The following AMPD1 variants were observed in gnomAD, a reference collection of about 807,000 sequenced individuals.
The protein encoded by AMPD1 is adenosine monophosphate deaminase 1, also known as AMP deaminase 1.
In AMPD1, 74 loss-of-function variants were observed where a neutral mutation model predicts 82.9. The ratio of observed to expected loss-of-function variants is 0.89; its 90% CI spans 0.74 to 1.08. AMPD1 has a LOEUF of 1.08. Among genes scored for constraint, AMPD1 ranks in the 50% least tolerant of loss-of-function variants. The pLI is 0.00. For missense variants in AMPD1, 881 were observed against 924.5 expected (o/e 0.95, Z 0.61); for synonymous variants, 333 against 320.5 (o/e 1.04, Z -0.42).
At chr1:114,680,532 T>TA in intron 5 of AMPD1, 54 bp from the exon 6 acceptor site, 1 of 1,481,952 alleles carries the variant, frequency 6.7e-7, no homozygotes, top group Non-Finnish European at 9.4e-7. Flanking sequence ...AACGACCACA[T>TA]AAAAATAACC....
At chr1:114,679,347 A>G (rs1306044743) in intron 7 of AMPD1, among the ~76,000 whole-genome samples, 1 of 152,220 alleles carries the variant, frequency 6.6e-6, no homozygotes, top group Non-Finnish European at 1.5e-5. Flanking sequence ...GTTGTTGAGG[A>G]TAACTATAAT....
At chr1:114,682,632 G>T (rs1249807286) in intron 5 of AMPD1, among the ~76,000 whole-genome samples, 1 of 150,488 alleles carries the variant, frequency 6.6e-6, no homozygotes, top group Middle Eastern at 3.4e-3. Flanking sequence ...AGGCTGGAGT[G>T]CAGTGGCGCG....
At chr1:114,688,441 ACTCTGGCAGAGTTCTTC>A in intron 3 of AMPD1, 103 bp downstream of exon 3, 1 of 1,213,228 alleles carries the variant, frequency 8.2e-7, no homozygotes, top group Middle Eastern at 2.7e-4. Context: ...GGAATTGCTA[ACTCTGGCAGAGTTCTTC>A]CTCTGAGTTG....
At chr1:114,693,095 A>C (rs1884296) in intron 2 of AMPD1, among the ~76,000 whole-genome samples, 68,227 of 150,230 alleles carry the variant, frequency 0.45, 15,979 homozygotes, top group South Asian at 0.58. Context: ...TCTGCACTCC[A>C]TCCTGGGTGA....
At chr1:114,673,381 G>C in intron 15 of AMPD1, 109 bp from the exon 16 acceptor site, 1 of 1,256,298 alleles carries the variant, frequency 8.0e-7, no homozygotes, top group East Asian at 2.4e-5. Context: ...ACTGACAAAA[G>C]AATAATAATA....
In AMPD1 at chr1:114,680,445, G is replaced by C. The variant is rs372802337; in HGVS notation, c.581C>G (p.Pro194Arg). 6.2e-7 allele frequency: 1 copy of C among 1,613,994 alleles called. No homozygotes were observed. The highest frequency in any genetic ancestry group is 1.3e-5 in the African/African-American group (1 of 74,894). Residue 194 changes from proline (P) to arginine (R), a missense_variant, in exon 6 of 16, where the codon CCC (proline) becomes CGC (arginine). Around this residue, in one of 2 missense-constraint regions of AMPD1, gnomAD observed 783 missense variants for 786.4 expected, o/e 1.00. Transcript: ENST00000520113. ...FTPPVKKGED[P>R]FRTDNLPENL... is the part of the protein sequence containing the mutation. Reference sequence around the variant, plus strand: ...TTCAGGAAGGTTGTCTGTTCGGAAGGGGTCCTCTCCCTTCTTCACAGGAGG... The same window carrying C: ...TTCAGGAAGGTTGTCTGTTCGGAAGCGGTCCTCTCCCTTCTTCACAGGAGG...
rs778348648 is a variant in AMPD1 at position 114,677,348 on chromosome 1, T to C, written c.1388+3A>G. The C allele has an allele frequency of 6.2e-6, 10 of 1,609,786 alleles. No homozygotes were observed. The South Asian group carries it at 9.9e-5, about 16-fold the overall frequency. Reference sequence around the variant, plus strand: ...CTAGAGTTTCTGATGGGCAGGTACATACTAGATCCTGGGAACCTGGATCAT... The same window carrying C: ...CTAGAGTTTCTGATGGGCAGGTACACACTAGATCCTGGGAACCTGGATCAT... On this transcript the variant is annotated splice_donor_region_variant and intron_variant, in intron 10 of 15. Coordinates refer to ENST00000520113, the MANE Select transcript of AMPD1 (RefSeq NM_000036.3).
intron 7 of AMPD1, among the ~76,000 whole-genome samples, chr1:114,678,751 G>C (rs974693515): frequency 1.3e-5 from 2 of 152,164 alleles, no homozygotes; most frequent in African/African-American, 4.8e-5. Context: ...AAGAATGCTT[G>C]CTTCTTCTGT....
At position 114,695,530 on chromosome 1, in the gene AMPD1, TG is replaced by T. The variant is rs770393080; in HGVS notation, c.-60del. 2 of 1,614,136 alleles carry T rather than the reference TG, an allele frequency of 1.2e-6. No homozygotes were observed. The highest frequency in any genetic ancestry group is 1.7e-6 in the Non-Finnish European group (2 of 1,180,008). On this transcript the variant is annotated 5_prime_UTR_variant, in exon 1 of 16. Coordinates refer to ENST00000520113, the MANE Select transcript of AMPD1 (RefSeq NM_000036.3). Reference sequence around the variant, plus strand: ...GTAGAAAAGAAGAGAGAGGAGACTGTGGGGTGACTGACTGACACTATAAAAT... The same window carrying T: ...GTAGAAAAGAAGAGAGAGGAGACTGTGGGTGACTGACTGACACTATAAAAT...
chr1:114,676,143 A>T (rs951461440), intron 10 of AMPD1, 140 bp from the exon 11 acceptor site: 2 of 1,073,000 alleles, frequency 1.9e-6, no homozygotes, highest in Non-Finnish European at 2.8e-6. Flanking sequence ...CTCCTCATAC[A>T]TTCTTTTTGG....
At chr1:114,678,064 AG>A (rs761283118) in intron 8 of AMPD1, 23 bp from the exon 9 acceptor site, 2 of 1,613,544 alleles carry the variant, frequency 1.2e-6, no homozygotes, top group Admixed American at 3.3e-5. Flanking sequence ...AAAAGAGCAG[AG>A]ATGTATTATT....
intron 10 of AMPD1, chr1:114,676,282 T>G: frequency 2.5e-6 from 1 of 407,220 alleles, no homozygotes; most frequent in Non-Finnish European, 4.6e-6. Context: ...TAAGTCCTCA[T>G]AGAGGAATAT....
intron 3 of AMPD1, 69 bp from the exon 4 acceptor site, chr1:114,686,979 G>T (rs937601105): frequency 1.3e-6 from 2 of 1,490,592 alleles, no homozygotes; most frequent in South Asian, 1.1e-5. Context: ...ATAGATAGAT[G>T]TTTCTCTATA....
At chr1:114,674,612 G>T in intron 13 of AMPD1, 140 bp downstream of exon 13, 3 of 999,810 alleles carry the variant, frequency 3.0e-6, no homozygotes, top group Non-Finnish European at 2.9e-6. Flanking sequence ...AGAATGAACT[G>T]CACTAAACTA....
At chr1:114,675,851 A>G (rs375594035) in intron 11 of AMPD1, 26 bp downstream of exon 11, 2 of 1,614,038 alleles carry the variant, frequency 1.2e-6, no homozygotes, top group Non-Finnish European at 1.7e-6. Flanking sequence ...GAGCAGCAGT[A>G]TGAAGGCCTG....
Position 114,673,724 on chromosome 1 carries a change from A to C in AMPD1, c.2000T>G (p.Ile667Ser). 2 of 1,614,090 alleles carry C rather than the reference A, an allele frequency of 1.2e-6. No individual in the cohort carries two copies. The highest frequency in any genetic ancestry group is 1.7e-6 in the Non-Finnish European group (2 of 1,179,946). The change falls in exon 15 of 16, where the codon ATT becomes AGT. Residue 667 changes from isoleucine (I) to serine (S), a missense_variant. Physicochemically the swap from Ile to Ser is moderately radical, Grantham distance 142. Coordinates refer to ENST00000520113, the MANE Select transcript of AMPD1 (RefSeq NM_000036.3). ...GCTCAGCTTGAAGACTTGTGCAGCA[A>C]TAGCATATTCTTCCATTAGGGGCTC... ...TKEPLMEEYA[I>S]AAQVFKLSTC...
intron 13 of AMPD1, 57 bp from the exon 14 acceptor site, chr1:114,674,139 A>G: frequency 6.8e-7 from 1 of 1,474,964 alleles, no homozygotes; most frequent in Non-Finnish European, 9.4e-7. Flanking sequence ...TACAAACTAG[A>G]AACACTACAA....
Position 114,693,412 on chromosome 1 carries a change from C to T in AMPD1, c.34+24G>A, listed in dbSNP as rs371145518. 16 of 1,607,488 alleles carry T rather than the reference C, an allele frequency of 1.0e-5. No individual in the cohort carries two copies. The Middle Eastern group carries it at 4.9e-4, about 50-fold the overall frequency. On this transcript the variant is annotated intron_variant, in intron 2 of 15. Coordinates refer to ENST00000520113, the MANE Select transcript of AMPD1 (RefSeq NM_000036.3). ...TTTAAATTGATACTCTGACAAATGG[C>T]AGCAAAAGTAATGCAATACTCACGT... is the stretch of plus-strand genomic sequence containing the variant.
At chr1:114,677,759 T>TGC in intron 9 of AMPD1, 151 bp downstream of exon 9, 3 of 677,216 alleles carry the variant, frequency 4.4e-6, no homozygotes, top group Non-Finnish European at 5.3e-6. Flanking sequence ...CAGGGATCGC[T>TGC]CCCTCCCTCC....
Sources: gnomAD v4.1 joint callset for allele counts (sites outside exome capture counted in the v4.1 genomes callset) on GRCh38, gnomAD v4.1.1 for gene constraint, gnomAD v4.1.1 regional missense constraint, MANE v1.5 for transcripts, NCBI Gene and HGNC (gene_info 2026-07-23, HGNC 2026-07-21) for gene names.